Variants in GTF2F2 observed in about 807,000 individuals in gnomAD.
GTF2F2 encodes the protein general transcription factor IIF subunit 2.
Under a neutral mutation model 42.2 loss-of-function variants are expected in GTF2F2, and 23 were observed. That is an observed-to-expected ratio of 0.55 (90% CI 0.39 to 0.77). The LOEUF (loss-of-function observed/expected upper bound fraction) is 0.77, where lower values mean the gene tolerates loss of function less well. GTF2F2 is among the 30% of genes least tolerant of loss of function. GTF2F2 has a pLI of 0.00. For missense variants in GTF2F2, 261 were observed against 287.2 expected (o/e 0.91, Z 0.66); for synonymous variants, 105 against 100.8 (o/e 1.04, Z -0.25).
intron 4 of GTF2F2, among the ~76,000 whole-genome samples, chr13:45,199,393 T>C (rs1163013605): frequency 6.6e-6 from 1 of 152,232 alleles, no homozygotes; most frequent in Admixed American, 6.5e-5. Flanking sequence ...ACAGAGGCAA[T>C]CTTGACAATT....
Position 45,148,833 on chromosome 13 carries a change from A to G in GTF2F2, c.141-937A>G, listed in dbSNP as rs1000676440. On this transcript the variant is annotated intron_variant, in intron 2 of 7. Transcript: ENST00000340473. ...AAATTTAAAAACGTAATTCAAATACAGTATATAGAAAATAGTGTGGAAAGA... is the reference window on the plus strand; with the variant it reads ...AAATTTAAAAACGTAATTCAAATACGGTATATAGAAAATAGTGTGGAAAGA... Among the ~76,000 whole-genome samples, 24 of 152,326 alleles carry G rather than the reference A, an allele frequency of 1.6e-4. No homozygotes were observed. The South Asian group carries it at 2.5e-3, about 16-fold the overall frequency.
At chr13:45,244,519 A>G (rs1875485890) in intron 5 of GTF2F2, among the ~76,000 whole-genome samples, 1 of 152,108 alleles carries the variant, frequency 6.6e-6, no homozygotes, top group Non-Finnish European at 1.5e-5. Context: ...TTTTGATGGG[A>G]AAAAATATGA....
intron 6 of GTF2F2, among the ~76,000 whole-genome samples, chr13:45,256,768 T>A (rs1876120033): frequency 6.6e-6 from 1 of 152,130 alleles, no homozygotes; most frequent in Non-Finnish European, 1.5e-5. Context: ...CAAGAATGAT[T>A]TAGAGGAAGC....
chr13:45,127,131 A>G (rs987563581), intron 1 of GTF2F2, among the ~76,000 whole-genome samples: 1 of 152,180 alleles, frequency 6.6e-6, no homozygotes, highest in African/African-American at 2.4e-5. Context: ...TTCGTGGTGT[A>G]GAGAGTTATA....
At chr13:45,138,556 A>G (rs907299359) in intron 2 of GTF2F2, among the ~76,000 whole-genome samples, 2 of 152,178 alleles carry the variant, frequency 1.3e-5, no homozygotes, top group African/African-American at 4.8e-5. Flanking sequence ...AGCCAACTCT[A>G]GCTTTGTGGA....
chr13:45,137,249 A>C (rs2138101737), intron 2 of GTF2F2, among the ~76,000 whole-genome samples: 1 of 152,316 alleles, frequency 6.6e-6, no homozygotes, highest in East Asian at 1.9e-4. Flanking sequence ...AAAACAGTGT[A>C]ACAATATAGT....
intron 5 of GTF2F2, among the ~76,000 whole-genome samples, chr13:45,244,448 G>C (rs1875482902): frequency 6.6e-6 from 1 of 152,042 alleles, no homozygotes; most frequent in South Asian, 2.1e-4. Flanking sequence ...TTTTATTTTT[G>C]TTACAGTTGT....
At chr13:45,137,229 G>A (rs1038305166) in intron 2 of GTF2F2, among the ~76,000 whole-genome samples, 1 of 152,182 alleles carries the variant, frequency 6.6e-6, no homozygotes, top group South Asian at 2.1e-4. Flanking sequence ...AGTGGGTGGG[G>A]AGTATCTAGA....
At chr13:45,255,967 A>G (rs1430963883) in intron 6 of GTF2F2, among the ~76,000 whole-genome samples, 2 of 152,170 alleles carry the variant, frequency 1.3e-5, no homozygotes, top group African/African-American at 4.8e-5. Flanking sequence ...GTGTCTAGGA[A>G]TTTATTATAG....
chr13:45,150,028 A>C (rs1030211151), intron 3 of GTF2F2, among the ~76,000 whole-genome samples: 3 of 152,204 alleles, frequency 2.0e-5, no homozygotes, highest in Non-Finnish European at 2.9e-5. Context: ...CATGAAACTG[A>C]GTAAAACTTC....
At chr13:45,271,508 G>C (rs1039172878) in intron 7 of GTF2F2, among the ~76,000 whole-genome samples, 1 of 151,508 alleles carries the variant, frequency 6.6e-6, no homozygotes, top group Non-Finnish European at 1.5e-5. Context: ...TCATCCTTCT[G>C]AGTAGCTGGG....
rs3047056 is a variant in GTF2F2, at chr13:45,236,490, T to TACACACACACACAC, written c.387-16355_387-16342dup. 2.3e-3 allele frequency among the ~76,000 whole-genome samples: 331 copies of TACACACACACACAC among 142,030 alleles called. 3 individuals are homozygous for TACACACACACACAC. Among genetic ancestry groups the TACACACACACACAC allele is most frequent in the African/African-American group, 7.5e-3 (300 of 39,804 alleles). The allele number at this position is 142,030 out of a possible 152,430, so 93.2% of individuals were successfully genotyped here. On this transcript the variant is annotated intron_variant, in intron 5 of 7. Coordinates refer to ENST00000340473, the MANE Select transcript of GTF2F2 (RefSeq NM_004128.3). Reference sequence around the variant, plus strand: ...TTGATTCCTCACCCCCCGCCACACATACACACACACACACACACACACACA... The same window carrying TACACACACACACAC: ...TTGATTCCTCACCCCCCGCCACACATACACACACACACACACACACACACACACACACACACACA...
At chr13:45,212,451 C>CTTTCTTTCTTTTCT (rs1555269183) in intron 5 of GTF2F2, among the ~76,000 whole-genome samples, 28,662 of 71,304 alleles carry the variant, frequency 0.4, 5,601 homozygotes, top group Admixed American at 0.45. Flanking sequence ...TTTCTTGTTT[C>CTTTCTTTCTTTTCT]TTTCTTTCTT....
chr13:45,248,045 A>G (rs184311133), intron 5 of GTF2F2, among the ~76,000 whole-genome samples: 7 of 151,982 alleles, frequency 4.6e-5, no homozygotes, highest in African/African-American at 1.2e-4. Flanking sequence ...GGGTTTCACC[A>G]TGTTGGCCAG....
chr13:45,212,444 C>CTTGT (rs1873690973), intron 5 of GTF2F2, among the ~76,000 whole-genome samples: 1 of 72,570 alleles, frequency 1.4e-5, no homozygotes, highest in East Asian at 5.3e-4. Flanking sequence ...TTCTTTCTTT[C>CTTGT]TTGTTTCTTT....
chr13:45,223,675 G>A (rs1874212757), intron 5 of GTF2F2, among the ~76,000 whole-genome samples: 3 of 152,134 alleles, frequency 2.0e-5, no homozygotes, highest in Non-Finnish European at 1.5e-5. Flanking sequence ...ATAACTGATA[G>A]AATACTGCAC....
intron 4 of GTF2F2, among the ~76,000 whole-genome samples, chr13:45,196,568 A>G (rs1219163955): frequency 1.3e-5 from 2 of 152,244 alleles, no homozygotes; most frequent in Non-Finnish European, 2.9e-5. Context: ...TATAATAGCA[A>G]AATCAAAAAG....
intron 7 of GTF2F2, among the ~76,000 whole-genome samples, chr13:45,282,328 C>G (rs1460161643): frequency 6.6e-6 from 1 of 152,068 alleles, no homozygotes; most frequent in Admixed American, 6.6e-5. Flanking sequence ...AAGCAAAGGT[C>G]TAGTTTCATA....
chr13:45,260,017 A>G (rs1271054115), intron 6 of GTF2F2, among the ~76,000 whole-genome samples: 2 of 151,880 alleles, frequency 1.3e-5, no homozygotes, highest in Non-Finnish European at 2.9e-5. Context: ...GCTCTTGGCC[A>G]GAAAGAACTC....
Sources: allele counts gnomAD v4.1 joint callset (sites outside exome capture counted in the v4.1 genomes callset), GRCh38; gene constraint gnomAD v4.1.1; transcripts MANE v1.5; gene names NCBI Gene and HGNC (gene_info 2026-07-23, HGNC 2026-07-21).